Variants in SP3 observed in about 807,000 individuals in gnomAD.
The protein encoded by SP3 is Sp3 transcription factor, also known as transcription factor Sp3.
In SP3, 10 loss-of-function variants were observed where a neutral mutation model predicts 70.3. The observed-to-expected ratio is 0.14, with a 90% CI of 0.09 to 0.24. The LOEUF (loss-of-function observed/expected upper bound fraction) is 0.24. Ranked by LOEUF, SP3 falls within the 10% of genes least tolerant of loss-of-function variation. SP3 has a pLI of 1.00. For synonymous variants in SP3, 402 were observed against 333.5 expected (o/e 1.21, Z -2.24); for missense variants, 825 against 914.6 (o/e 0.90, Z 1.26).
intron 3 of SP3, among the ~76,000 whole-genome samples, chr2:173,957,426 A>G (rs1690931768): frequency 6.6e-6 from 1 of 152,202 alleles, no homozygotes; most frequent in Non-Finnish European, 1.5e-5. Context: ...GAGATAAAGT[A>G]GTATTAGAAT....
intron 4 of SP3, among the ~76,000 whole-genome samples, chr2:173,933,103 G>A (rs1690110504): frequency 6.6e-6 from 1 of 152,148 alleles, no homozygotes; most frequent in Non-Finnish European, 1.5e-5. Flanking sequence ...GGGGTCAACA[G>A]ACTTGCTCAA....
At chr2:173,921,610 G>C (rs1328862960) in intron 4 of SP3, among the ~76,000 whole-genome samples, 1 of 152,190 alleles carries the variant, frequency 6.6e-6, no homozygotes, top group African/African-American at 2.4e-5. Flanking sequence ...CAGCTACTCA[G>C]GAGACTGAAG....
chr2:173,917,662 A>T (rs1219041643), intron 5 of SP3, among the ~76,000 whole-genome samples: 1 of 152,154 alleles, frequency 6.6e-6, no homozygotes, highest in East Asian at 1.9e-4. Flanking sequence ...TAAGAAAGGT[A>T]TGTTAATTTT....
rs878903885 is a variant in SP3, at chr2:173,965,231, AGGC to A, written c.-63_-61del. Reference sequence around the variant, plus strand: ...CCGCCTTACACATGGTGAGGAGCGAAGGCGGCGGCGGCGGGAGAGGATGCGGGA... The same window carrying A: ...CCGCCTTACACATGGTGAGGAGCGAAGGCGGCGGCGGGAGAGGATGCGGGA... On this transcript the variant is annotated 5_prime_UTR_variant, in exon 1 of 7. Transcript: ENST00000310015. 164 of 1,519,852 alleles carry A rather than the reference AGGC, an allele frequency of 1.1e-4. No homozygotes were observed. The highest frequency in any genetic ancestry group is 2.1e-4 in the South Asian group (17 of 82,396). 94.1% of individuals were successfully genotyped at this position (1,519,852 alleles called of 1,614,324 possible). A position where few individuals can be genotyped will look rare whatever the true frequency, so the allele number is the denominator to read the frequency against.
chr2:173,906,874 T>C lies in SP3; in HGVS notation c.*3067A>G, dbSNP rs1434681425. 1 of 152,216 alleles carries C rather than the reference T, an allele frequency of 6.6e-6. No individual in the cohort carries two copies. The highest frequency in any genetic ancestry group is 2.4e-5 in the African/African-American group (1 of 41,448). The allele number at this position is 152,216 out of a possible 1,614,324, so 9.4% of individuals were successfully genotyped here. A position where few individuals can be genotyped will look rare whatever the true frequency, so the allele number is the denominator to read the frequency against. On this transcript the variant is annotated 3_prime_UTR_variant, in exon 7 of 7. Coordinates refer to ENST00000310015, the MANE Select transcript of SP3 (RefSeq NM_003111.5). Reference sequence around the variant, plus strand: ...TGAGGTGGCTACCAGGCCTATGGAATCTCTAAAATGCTCCCCAGCAATTTC... The same window carrying C: ...TGAGGTGGCTACCAGGCCTATGGAACCTCTAAAATGCTCCCCAGCAATTTC...
chr2:173,923,579 C>T (rs962193213), intron 4 of SP3, among the ~76,000 whole-genome samples: 3 of 152,130 alleles, frequency 2.0e-5, no homozygotes, highest in Admixed American at 6.5e-5. Context: ...GTCTGGAACA[C>T]GCATACTTAA....
Position 173,902,317 on chromosome 2 carries a change from T to C in SP3, c.*7624A>G, listed in dbSNP as rs923987161. Among the ~76,000 whole-genome samples the C allele has an allele frequency of 6.6e-5, 10 of 152,224 alleles. No homozygotes were observed. Among genetic ancestry groups the C allele is most frequent in the African/African-American group, 2.2e-4 (9 of 41,454 alleles). ...ATTGTTATTCATTGGAAAAAACATA[T>C]CTGCCAAGGCAGGATTGGGAGGGTA... On this transcript the variant is annotated 3_prime_UTR_variant, in exon 7 of 7. Transcript: ENST00000310015.
chr2:173,912,716 TAC>T (rs1689520424), intron 6 of SP3, among the ~76,000 whole-genome samples: 1 of 149,696 alleles, frequency 6.7e-6, no homozygotes, highest in Non-Finnish European at 1.5e-5. Context: ...TATTTTTTGT[TAC>T]AGTGTTAAGA....
chr2:173,904,734 CAG>C lies in SP3; in HGVS notation c.*5205_*5206del, dbSNP rs1472330742. 6.6e-6 allele frequency among the ~76,000 whole-genome samples: 1 copy of C among 152,176 alleles called. No individual in the cohort carries two copies. The highest frequency in any genetic ancestry group is 1.5e-5 in the Non-Finnish European group (1 of 68,034). On this transcript the variant is annotated 3_prime_UTR_variant, in exon 7 of 7. Coordinates refer to ENST00000310015, the MANE Select transcript of SP3 (RefSeq NM_003111.5). ...CTGAACAGCTCCTCACGGAAGGTGG[CAG>C]AAAGTAATGCTCAGAGAAGGGATGT... is the stretch of plus-strand genomic sequence containing the variant.
chr2:173,956,833 A>AC, intron 3 of SP3, among the ~76,000 whole-genome samples: 1 of 152,312 alleles, frequency 6.6e-6, no homozygotes, highest in Middle Eastern at 3.4e-3. Context: ...CCACATGACA[A>AC]CGTAGCCCCA....
chr2:173,919,765 G>A (rs1689696734), intron 4 of SP3, among the ~76,000 whole-genome samples: 1 of 151,976 alleles, frequency 6.6e-6, no homozygotes, highest in Non-Finnish European at 1.5e-5. Context: ...TAGGTGTGTA[G>A]ATCAGTACAA....
At chr2:173,964,730 C>T in intron 1 of SP3, 177 bp from the exon 2 acceptor site, 3 of 359,370 alleles carry the variant, frequency 8.3e-6, no homozygotes, top group Non-Finnish European at 1.0e-5. Flanking sequence ...CCTGCTGCTG[C>T]CCCCGCCCGC....
intron 4 of SP3, among the ~76,000 whole-genome samples, chr2:173,921,019 T>C (rs1369732847): frequency 6.6e-6 from 1 of 152,214 alleles, no homozygotes; most frequent in Non-Finnish European, 1.5e-5. Flanking sequence ...AATATCCTAT[T>C]TCTTGATCTG....
chr2:173,956,019 C>G lies in SP3; in HGVS notation c.493G>C (p.Val165Leu), dbSNP rs777124638. Residue 165 changes from valine to leucine, a missense_variant, in exon 4 of 7, where the codon GTG becomes CTG. This residue lies in a region of SP3 where 678 missense variants were observed against 651.6 expected (regional missense o/e 1.04). Transcript: ENST00000310015. Reference sequence around the variant, plus strand: ...ATCACTTGATATTGAACACTGGACACTGTACCATTTGATGAATCTGATCCT... The same window carrying G: ...ATCACTTGATATTGAACACTGGACAGTGTACCATTTGATGAATCTGATCCT... The part of the protein sequence containing the change: ...APGSDSSNGT[V>L]SSVQYQVIPQ... The G allele has an allele frequency of 8.7e-6, 14 of 1,614,194 alleles. No homozygotes were observed. In the Admixed American group the frequency reaches 2.3e-4, roughly 27 times the overall value.
At chr2:173,940,125 G>A (rs1316493350) in intron 4 of SP3, among the ~76,000 whole-genome samples, 1 of 152,030 alleles carries the variant, frequency 6.6e-6, no homozygotes, top group Non-Finnish European at 1.5e-5. Flanking sequence ...AATTCTCCCA[G>A]CCTCAGCCTC....
intron 4 of SP3, 29 bp from the exon 5 acceptor site, chr2:173,918,814 T>C (rs757579643): frequency 1.3e-6 from 2 of 1,575,230 alleles, no homozygotes; most frequent in Admixed American, 1.9e-5. Context: ...CAAATACAGA[T>C]GAGAAGCAAC....
At chr2:173,964,924 C>T (rs1691243887) in intron 1 of SP3, 1 of 531,804 alleles carries the variant, frequency 1.9e-6, no homozygotes, top group South Asian at 2.6e-5. Context: ...GGATGCGCTC[C>T]CGGCGGACCG....
chr2:173,961,935 G>GTTT lies in SP3; in HGVS notation c.279+1823_279+1825dup, dbSNP rs536537799. Among the ~76,000 whole-genome samples the GTTT allele has an allele frequency of 8.3e-4, 67 of 80,788 alleles. 1 individual carries two copies. The highest frequency in any genetic ancestry group is 2.4e-3 in the African/African-American group (45 of 18,546). 53.0% of individuals were successfully genotyped at this position (80,788 alleles called of 152,430 possible). A position where few individuals can be genotyped will look rare whatever the true frequency, so the allele number is the denominator to read the frequency against. On this transcript the variant is annotated intron_variant, in intron 3 of 6. Transcript: ENST00000310015. ...CAGACATCATAAATATATGGTTTGG[G>GTTT]TTTTTTTTTTTTTTTTTTTTTTTTT...
Position 173,955,611 on chromosome 2 carries a change from G to C in SP3, c.901C>G (p.Gln301Glu). ...GAATTGTCTGAACTATCCATAGCTT[G>C]TCCTGTGTTTATCAAATGTCCGTCG... The part of the protein sequence containing the change: ...NADGHLINTG[Q>E]AMDSSDNSER... The change falls in exon 4 of 7, where the codon CAA (glutamine) becomes GAA (glutamate). Residue 301 changes from glutamine to glutamate, a missense_variant. Gln to Glu is a conservative substitution (Grantham distance 29, BLOSUM62 2). Transcript: ENST00000310015. 1 of 1,614,132 alleles carries C rather than the reference G, an allele frequency of 6.2e-7. No individual in the cohort carries two copies.
Sources: gnomAD v4.1 joint callset for allele counts (sites outside exome capture counted in the v4.1 genomes callset) on GRCh38, gnomAD v4.1.1 for gene constraint, gnomAD v4.1.1 regional missense constraint, MANE v1.5 for transcripts, NCBI Gene and HGNC (gene_info 2026-07-23, HGNC 2026-07-21) for gene names.